VSNL1: variants seen among roughly 807,000 people sequenced by gnomAD.
The protein encoded by VSNL1 is visinin-like protein 1.
In VSNL1, 6 loss-of-function variants were observed where a neutral mutation model predicts 20.4. The ratio of observed to expected loss-of-function variants is 0.29; its 90% CI spans 0.16 to 0.58. The LOEUF is 0.58. VSNL1 is among the 20% of genes least tolerant of loss of function. The probability of loss-of-function intolerance (pLI) is 0.90; values close to 1 mark genes in which losing one functional copy is unlikely to be tolerated. For missense variants in VSNL1, 100 were observed against 234.5 expected, an observed-to-expected ratio of 0.43 and a Z score of 3.75; for synonymous variants, 93 against 86.4, an observed-to-expected ratio of 1.08 and a Z score of -0.42.
At chr2:17,567,227 T>C (rs1386365607) in intron 1 of VSNL1, among the ~76,000 whole-genome samples, 1 of 152,120 alleles carries the variant, frequency 6.6e-6, no homozygotes, top group African/African-American at 2.4e-5. Flanking sequence ...TTAAAATTTA[T>C]TCAAATTTTT....
intron 1 of VSNL1, among the ~76,000 whole-genome samples, chr2:17,562,705 C>T (rs1208859263): frequency 1.3e-5 from 2 of 152,154 alleles, no homozygotes; most frequent in Non-Finnish European, 2.9e-5. Flanking sequence ...TCAGAACTAG[C>T]CCTCCAGAGC....
At chr2:17,565,406 G>A (rs1483342977) in intron 1 of VSNL1, among the ~76,000 whole-genome samples, 1 of 151,598 alleles carries the variant, frequency 6.6e-6, no homozygotes, top group Non-Finnish European at 1.5e-5. Flanking sequence ...CTTCCTCAAA[G>A]CAATCATTCT....
chr2:17,616,327 C>T (rs898366450), intron 2 of VSNL1, among the ~76,000 whole-genome samples: 2 of 152,372 alleles, frequency 1.3e-5, no homozygotes, highest in South Asian at 2.1e-4. Context: ...CTTGACTCTG[C>T]GTGGCCCCAC....
upstream of VSNL1, chr2:17,540,678 G>A (rs993326169): frequency 5.9e-5 from 9 of 152,670 alleles, no homozygotes; most frequent in East Asian, 1.9e-4. Context: ...GGGACCCTAG[G>A]TTTTCTATGG....
chr2:17,612,175 C>T (rs1665106443), intron 2 of VSNL1, among the ~76,000 whole-genome samples: 1 of 152,202 alleles, frequency 6.6e-6, no homozygotes, highest in Non-Finnish European at 1.5e-5. Flanking sequence ...TGACCCCCTT[C>T]AGGAAAATAA....
At chr2:17,563,909 A>C (rs1663875426) in intron 1 of VSNL1, among the ~76,000 whole-genome samples, 1 of 152,074 alleles carries the variant, frequency 6.6e-6, no homozygotes, top group East Asian at 1.9e-4. Context: ...TTTGTTTTAC[A>C]TAGTGGTGAC....
chr2:17,616,205 G>C (rs911500355), intron 2 of VSNL1, among the ~76,000 whole-genome samples: 28 of 152,236 alleles, frequency 1.8e-4, no homozygotes, highest in Admixed American at 1.2e-3. Flanking sequence ...TACTCAAGCT[G>C]TTCCCTTGGC....
At chr2:17,615,230 T>C (rs1281660085) in intron 2 of VSNL1, among the ~76,000 whole-genome samples, 1 of 152,270 alleles carries the variant, frequency 6.6e-6, no homozygotes, top group Non-Finnish European at 1.5e-5. Flanking sequence ...TCATAGCGTT[T>C]ACTTCCAGGA....
chr2:17,606,423 G>A (rs555683979), intron 2 of VSNL1, among the ~76,000 whole-genome samples: 12 of 152,304 alleles, frequency 7.9e-5, no homozygotes, highest in African/African-American at 2.9e-4. Context: ...AAACAAATGG[G>A]ATGATGACCT....
rs1664552147 is a variant in VSNL1, at chr2:17,589,546, C to G, written c.-5-2524C>G. On this transcript the variant is annotated intron_variant, in intron 1 of 3. Coordinates refer to ENST00000295156, the MANE Select transcript of VSNL1 (RefSeq NM_003385.5). ...CATTCTGAGCCAGGCCAGAACCTGA[C>G]TTTCTGTGTGATTCAACCATTGCCC... Among the ~76,000 whole-genome samples the G allele has an allele frequency of 2.0e-5, 3 of 152,212 alleles. No homozygotes were observed. In the South Asian group the frequency reaches 6.2e-4, roughly 31 times the overall value.
chr2:17,647,834 C>T (rs575473273), intron 2 of VSNL1, among the ~76,000 whole-genome samples: 1 of 152,214 alleles, frequency 6.6e-6, no homozygotes, highest in South Asian at 2.1e-4. Flanking sequence ...CGAGGTATTG[C>T]TCTCTGAGTC....
Position 17,655,063 on chromosome 2 carries a change from T to C in VSNL1, c.379-134T>C, listed in dbSNP as rs919384647. ...TCACAGAAACTTGCAGCACAAGGAG[T>C]GAAACTCCTCTGGGGAAAGGGAAGC... On this transcript the variant is annotated intron_variant, in intron 3 of 3. Transcript: ENST00000295156. This position sits in a 1 kb window ranked among gnomAD's most constrained non-coding sequence, Gnocchi z 5.2. 3 of 825,254 alleles carry C rather than the reference T, an allele frequency of 3.6e-6. No homozygotes were observed. In the African/African-American group the frequency reaches 5.2e-5, roughly 14 times the overall value. The allele number at this position is 825,254 out of a possible 1,614,324, so 51.1% of individuals were successfully genotyped here.
chr2:17,574,172 G>T (rs62131538), intron 1 of VSNL1, among the ~76,000 whole-genome samples: 5,004 of 152,174 alleles, frequency 0.033, 87 homozygotes, highest in East Asian at 0.097. Context: ...CGTAGGTTCT[G>T]GGTAAATCCT....
intron 1 of VSNL1, among the ~76,000 whole-genome samples, chr2:17,577,518 T>C (rs567522865): frequency 2.6e-5 from 4 of 152,236 alleles, no homozygotes; most frequent in Non-Finnish European, 5.9e-5. Context: ...GTTATGCTGA[T>C]CTATATGTCT....
intron 2 of VSNL1, among the ~76,000 whole-genome samples, chr2:17,617,548 C>G (rs551485356): frequency 1.5e-4 from 23 of 152,212 alleles, no homozygotes; most frequent in African/African-American, 5.5e-4. Flanking sequence ...TACCTTAAGC[C>G]TCTCATCCTT....
chr2:17,546,803 G>C (rs574723363), intron 1 of VSNL1, among the ~76,000 whole-genome samples: 17 of 152,004 alleles, frequency 1.1e-4, no homozygotes, highest in African/African-American at 4.1e-4. Flanking sequence ...GAAATTCTTG[G>C]CATTTGATGT....
At chr2:17,542,563 G>A (rs564049086) in intron 1 of VSNL1, among the ~76,000 whole-genome samples, 31 of 152,184 alleles carry the variant, frequency 2.0e-4, no homozygotes, top group African/African-American at 7.2e-4. Flanking sequence ...TTGAAAATTC[G>A]AGAAGAACCT....
intron 1 of VSNL1, among the ~76,000 whole-genome samples, chr2:17,569,697 A>G (rs1664036182): frequency 6.6e-6 from 1 of 150,944 alleles, no homozygotes; most frequent in South Asian, 2.1e-4. Flanking sequence ...TTTAAACTCT[A>G]TTTAAAAATG....
intron 2 of VSNL1, among the ~76,000 whole-genome samples, chr2:17,614,823 GA>G (rs1171974711): frequency 6.6e-6 from 1 of 152,220 alleles, no homozygotes; most frequent in Non-Finnish European, 1.5e-5. Flanking sequence ...CTTTGGGTCA[GA>G]TAGAGCTGGG....
Sources: allele counts gnomAD v4.1 joint callset (sites outside exome capture counted in the v4.1 genomes callset), GRCh38; gene constraint gnomAD v4.1.1; non-coding constraint Gnocchi (gnomAD v3.1); transcripts MANE v1.5; gene names NCBI Gene and HGNC (gene_info 2026-07-23, HGNC 2026-07-21).